The following GRHL1 variants were observed in gnomAD, a reference collection of about 807,000 sequenced individuals.
GRHL1 encodes the protein grainyhead-like protein 1 homolog.
In GRHL1, 38 loss-of-function variants were observed where a neutral mutation model predicts 75.7. That is an observed-to-expected ratio of 0.50 (90% confidence interval 0.39 to 0.66). The LOEUF (loss-of-function observed/expected upper bound fraction) is 0.66, where lower values mean the gene tolerates loss of function less well. Among genes scored for constraint, GRHL1 ranks in the 30% least tolerant of loss-of-function variants. GRHL1 has a pLI of 0.00. For missense variants in GRHL1, 589 were observed against 767.5 expected, an observed-to-expected ratio of 0.77 and a Z score of 2.75; for synonymous variants, 266 against 279.4, an observed-to-expected ratio of 0.95 and a Z score of 0.48.
chr2:9,961,510 AT>A (rs1211599009), intron 4 of GRHL1, 74 bp downstream of exon 4: 1 of 1,388,292 alleles, frequency 7.2e-7, no homozygotes, highest in African/African-American at 1.4e-5. Flanking sequence ...TTTCCTTGTT[AT>A]GTAAGCATGA....
At chr2:9,981,704 A>G (rs1336240888) in intron 8 of GRHL1, among the ~76,000 whole-genome samples, 1 of 152,236 alleles carries the variant, frequency 6.6e-6, no homozygotes, top group African/African-American at 2.4e-5. Context: ...ATATATCTAC[A>G]TTTTATTTAT....
chr2:9,997,835 C>A (rs1045228910), intron 14 of GRHL1, among the ~76,000 whole-genome samples: 3 of 150,292 alleles, frequency 2.0e-5, no homozygotes, highest in Admixed American at 6.6e-5. Context: ...AAAAAAACAA[C>A]AAAAAACAAA....
intron 12 of GRHL1, among the ~76,000 whole-genome samples, chr2:9,993,611 A>G (rs1289148883): frequency 6.6e-6 from 1 of 152,184 alleles, no homozygotes; most frequent in Non-Finnish European, 1.5e-5. Flanking sequence ...GAAGATTACA[A>G]CCAGCTGTTT....
chr2:9,983,357 A>G (rs1001202214), intron 8 of GRHL1, among the ~76,000 whole-genome samples: 1 of 151,922 alleles, frequency 6.6e-6, no homozygotes, highest in African/African-American at 2.4e-5. Flanking sequence ...TCTTTAATAC[A>G]TTTAGAAAAC....
Position 9,951,768 on chromosome 2 carries a change from C to A in GRHL1, c.-66C>A. ...AGCCGCCGCCGCCGCCTCCTCCCCC[C>A]GGATCGGGTGTACTGTCCCAACCCG... On this transcript the variant is annotated 5_prime_UTR_variant, in exon 1 of 16. Transcript: ENST00000324907. The surrounding 1 kb of genome is among the most constrained non-coding windows in gnomAD (Gnocchi z 4.2). 1 of 1,453,784 alleles carries A rather than the reference C, an allele frequency of 6.9e-7. No individual in the cohort carries two copies. The highest frequency in any genetic ancestry group is 9.2e-7 in the Non-Finnish European group (1 of 1,087,300). 90.1% of individuals were successfully genotyped at this position (1,453,784 alleles called of 1,614,324 possible). A position where few individuals can be genotyped will look rare whatever the true frequency, so the allele number is the denominator to read the frequency against.
In GRHL1 at chr2:9,955,026, G is replaced by T; in HGVS notation, c.132G>T (p.Ala44=). ...KSFLENPLTA[A]TKAMMSINGD... ...TCCTGGAAAACCCTCTCACTGCAGCGACCAAAGCGATGATGAGCATCAATG... is the reference window on the plus strand; with the variant it reads ...TCCTGGAAAACCCTCTCACTGCAGCTACCAAAGCGATGATGAGCATCAATG... Residue 44 remains alanine (A), a synonymous_variant, in exon 2 of 16, where the codon GCG becomes GCT. Transcript: ENST00000324907. 4 of 1,613,554 alleles carry T rather than the reference G, an allele frequency of 2.5e-6. No individual in the cohort carries two copies. Among genetic ancestry groups the T allele is most frequent in the South Asian group, 1.1e-5 (1 of 91,060 alleles).
intron 14 of GRHL1, among the ~76,000 whole-genome samples, chr2:9,997,750 G>T (rs1668932682): frequency 1.3e-5 from 2 of 151,872 alleles, no homozygotes; most frequent in Admixed American, 6.6e-5. Context: ...TTGAACCAGG[G>T]AGGTGGAGGT....
rs762229274 is a variant in GRHL1 at position 9,954,878 on chromosome 2, AGT to A, written c.21-30_21-29del. Reference sequence around the variant, plus strand: ...AGCTTATGATACCTTGCAGTAGAAAAGTGTGTGTTTTTGTTTTTTTTTTAATT... The same window carrying A: ...AGCTTATGATACCTTGCAGTAGAAAAGTGTGTTTTTGTTTTTTTTTTAATT... On this transcript the variant is annotated intron_variant, in intron 1 of 15. Coordinates refer to ENST00000324907, the MANE Select transcript of GRHL1 (RefSeq NM_198182.3). 26 of 1,535,160 alleles carry A rather than the reference AGT, an allele frequency of 1.7e-5. No individual in the cohort carries two copies. In the South Asian group the frequency reaches 2.2e-4, roughly 13 times the overall value.
rs188571711 is a variant in GRHL1 at position 9,986,450 on chromosome 2, C to T, written c.1269+168C>T. 3.3e-5 allele frequency among the ~76,000 whole-genome samples: 5 copies of T among 152,122 alleles called. No individual in the cohort carries two copies. The East Asian group carries it at 9.7e-4, about 29-fold the overall frequency. ...TATTTATTGTTGAGACAGAGTCTCC[C>T]TCTGTCTCCCAGGCTGGAGTGAAGT... On this transcript the variant is annotated intron_variant, in intron 9 of 15. Coordinates refer to ENST00000324907, the MANE Select transcript of GRHL1 (RefSeq NM_198182.3).
chr2:9,986,599 G>A (rs959063234), intron 9 of GRHL1, among the ~76,000 whole-genome samples: 1 of 151,726 alleles, frequency 6.6e-6, no homozygotes, highest in African/African-American at 2.4e-5. Flanking sequence ...TGTATTTTTA[G>A]TAGAGACAGG....
intron 8 of GRHL1, among the ~76,000 whole-genome samples, chr2:9,984,618 A>G (rs886379144): frequency 6.6e-6 from 1 of 152,160 alleles, no homozygotes; most frequent in Non-Finnish European, 1.5e-5. Context: ...CCAGGAGAGA[A>G]GGGTGTGACA....
intron 8 of GRHL1, among the ~76,000 whole-genome samples, chr2:9,982,698 C>T (rs1478226771): frequency 6.6e-6 from 1 of 152,172 alleles, no homozygotes; most frequent in African/African-American, 2.4e-5. Flanking sequence ...ATGCTCCTGG[C>T]ATCACACTTT....
At position 9,971,911 on chromosome 2, in the gene GRHL1, C is replaced by G. The variant is rs1028801893; in HGVS notation, c.1110+6530C>G. Among the ~76,000 whole-genome samples, 4 of 152,114 alleles carry G rather than the reference C, an allele frequency of 2.6e-5. No homozygotes were observed. In the East Asian group the frequency reaches 5.8e-4, roughly 22 times the overall value. On this transcript the variant is annotated intron_variant, in intron 8 of 15. Transcript: ENST00000324907. ...AGAAACTTCTAATTTTTTTTTAAAG[C>G]TAAGTCTGTTGGACTTTGGCTTGAA... is the stretch of plus-strand genomic sequence containing the variant.
At chr2:9,958,926 G>A (rs1022043519) in intron 3 of GRHL1, 70 bp downstream of exon 3, 1 of 1,578,284 alleles carries the variant, frequency 6.3e-7, no homozygotes, top group African/African-American at 1.3e-5. Context: ...AGCAAAATGG[G>A]AGTTTGTTTA....
chr2:9,951,721 G>C lies in GRHL1; in HGVS notation c.-113G>C, dbSNP rs975539002. Reference sequence around the variant, plus strand: ...GCGAGAAAAGCAAACCCAACCCGTCGGGGCCGCCGCTCCGGACCCGCAGCC... The same window carrying C: ...GCGAGAAAAGCAAACCCAACCCGTCCGGGCCGCCGCTCCGGACCCGCAGCC... On this transcript the variant is annotated 5_prime_UTR_variant, in exon 1 of 16. Coordinates refer to ENST00000324907, the MANE Select transcript of GRHL1 (RefSeq NM_198182.3). This position sits in a 1 kb window ranked among gnomAD's most constrained non-coding sequence, Gnocchi z 4.2. 18 of 1,010,838 alleles carry C rather than the reference G, an allele frequency of 1.8e-5. No homozygotes were observed. Among genetic ancestry groups the C allele is most frequent in the Admixed American group, 5.3e-5 (2 of 37,762 alleles). The allele number at this position is 1,010,838 out of a possible 1,614,324, so 62.6% of individuals were successfully genotyped here.
At chr2:9,965,225 G>A in intron 7 of GRHL1, 62 bp from the exon 8 acceptor site, 1 of 824,872 alleles carries the variant, frequency 1.2e-6, no homozygotes, top group Non-Finnish European at 2.1e-6. Context: ...TTGAACTGCT[G>A]GGATCCCATG....
At chr2:9,986,922 G>A (rs1482736381) in intron 9 of GRHL1, among the ~76,000 whole-genome samples, 1 of 151,850 alleles carries the variant, frequency 6.6e-6, no homozygotes, top group Non-Finnish European at 1.5e-5. Flanking sequence ...TTCCCATGCT[G>A]GTCTTGAACT....
Position 9,991,912 on chromosome 2 carries a change from A to G in GRHL1, c.1322-95A>G, listed in dbSNP as rs976413179. ...TCTTACAGAGTGCTACACTTGGAGT[A>G]TCTTACTCAGAGGCGAGCACTCTGT... On this transcript the variant is annotated intron_variant, in intron 10 of 15. Coordinates refer to ENST00000324907, the MANE Select transcript of GRHL1 (RefSeq NM_198182.3). 63 of 909,284 alleles carry G rather than the reference A, an allele frequency of 6.9e-5. 1 individual carries two copies. The Admixed American group carries it at 1.4e-3, about 20-fold the overall frequency. 56.3% of individuals were successfully genotyped at this position (909,284 alleles called of 1,614,324 possible).
At chr2:9,985,311 G>A (rs936425824) in intron 8 of GRHL1, among the ~76,000 whole-genome samples, 4 of 152,164 alleles carry the variant, frequency 2.6e-5, no homozygotes, top group Non-Finnish European at 4.4e-5. Flanking sequence ...ACATCTGTGT[G>A]GAACTTCTTG....
Sources: allele counts gnomAD v4.1 joint callset (sites outside exome capture counted in the v4.1 genomes callset), GRCh38; gene constraint gnomAD v4.1.1; non-coding constraint Gnocchi (gnomAD v3.1); transcripts MANE v1.5; gene names NCBI Gene and HGNC (gene_info 2026-07-23, HGNC 2026-07-21).